GSTA5: variants seen among roughly 807,000 people sequenced by gnomAD.
GSTA5 encodes glutathione S-transferase A5.
GSTA5 carries 25 observed loss-of-function variants against 21.8 expected under a neutral mutation model. That is an observed-to-expected ratio of 1.14 (90% CI 0.83 to 1.60). The LOEUF is 1.60. Among genes scored for constraint, GSTA5 ranks in the 40% most tolerant of loss-of-function variants. GSTA5 has a pLI of 0.00. For synonymous variants in GSTA5, 102 were observed against 89.5 expected (o/e 1.14, Z -0.78); for missense variants, 330 against 259.2 (o/e 1.27, Z -1.88).
At chr6:52,843,208 A>G (rs547551562), upstream of GSTA5, among the ~76,000 whole-genome samples, 93 of 152,286 alleles carry the variant, frequency 6.1e-4, no homozygotes, top group South Asian at 1.2e-3. Flanking sequence ...GCCGCAGTAA[A>G]CATACATGTG....
chr6:52,838,131 A>G (rs1764318642), intron 1 of GSTA5, among the ~76,000 whole-genome samples: 1 of 152,240 alleles, frequency 6.6e-6, no homozygotes, highest in South Asian at 2.1e-4. Context: ...CACACTTGCA[A>G]CTATAATTTT....
At chr6:52,836,405 T>A in intron 2 of GSTA5, 37 bp from the exon 3 acceptor site, 1 of 1,600,384 alleles carries the variant, frequency 6.2e-7, no homozygotes, top group Non-Finnish European at 8.5e-7. Context: ...ATGAAGTGTC[T>A]ATGAAACCCA....
Position 52,833,922 on chromosome 6 carries a change from G to T in GSTA5, c.414+219C>A, listed in dbSNP as rs570203525. ...AACAGAGAATTTAATGTTGGGGTCT[G>T]TAAATTAAAATTTTACTGGAAAATC... On this transcript the variant is annotated intron_variant, in intron 4 of 5. Transcript: ENST00000370989. Among the ~76,000 whole-genome samples the T allele has an allele frequency of 3.9e-5, 6 of 152,324 alleles. No individual in the cohort carries two copies. In the South Asian group the frequency reaches 1.2e-3, roughly 32 times the overall value.
At chr6:52,839,082 G>A (rs1415051358) in intron 1 of GSTA5, among the ~76,000 whole-genome samples, 1 of 152,128 alleles carries the variant, frequency 6.6e-6, no homozygotes, top group South Asian at 2.1e-4. Context: ...GGGGGTGTGT[G>A]CCAGCAATTA....
chr6:52,833,138 G>A, intron 4 of GSTA5, 148 bp from the exon 5 acceptor site: 1 of 896,440 alleles, frequency 1.1e-6, no homozygotes, highest in Non-Finnish European at 1.8e-6. Flanking sequence ...CACATTATCT[G>A]AATGAATGAG....
At chr6:52,832,029 T>TGG in intron 5 of GSTA5, 59 bp from the exon 6 acceptor site, 1 of 1,566,322 alleles carries the variant, frequency 6.4e-7, no homozygotes, top group Non-Finnish European at 8.6e-7. Flanking sequence ...ATCATTAAGA[T>TGG]GACCCAGGGA....
chr6:52,837,982 T>C (rs1764316655), intron 1 of GSTA5, among the ~76,000 whole-genome samples: 1 of 152,230 alleles, frequency 6.6e-6, no homozygotes, highest in Non-Finnish European at 1.5e-5. Context: ...CAACCTTGTG[T>C]GTCCCCAGTG....
At chr6:52,832,112 C>G (rs1052179884) in intron 5 of GSTA5, 142 bp from the exon 6 acceptor site, 2 of 1,178,860 alleles carry the variant, frequency 1.7e-6, no homozygotes, top group African/African-American at 3.1e-5. Flanking sequence ...AAACAGACAC[C>G]CAGTGAGAAA....
intron 1 of GSTA5, among the ~76,000 whole-genome samples, chr6:52,838,767 T>C (rs1361475190): frequency 1.3e-5 from 2 of 152,256 alleles, no homozygotes; most frequent in Non-Finnish European, 2.9e-5. Context: ...ATCTTGACTC[T>C]GCCTCAAAAT....
rs377541026 is a variant in GSTA5 at position 52,839,867 on chromosome 6, C to T, written c.87+860G>A. Among the ~76,000 whole-genome samples the T allele has an allele frequency of 1.1e-4, 17 of 152,356 alleles. No individual in the cohort carries two copies. The South Asian group carries it at 2.5e-3, about 22-fold the overall frequency. On this transcript the variant is annotated intron_variant, in intron 1 of 5. Transcript: ENST00000370989. ...GAATGCTTGGGTGTTCTAGAAGCCT[C>T]CACGCCTCATTTTAACCACGTGTTT... is the stretch of plus-strand genomic sequence containing the variant.
intron 4 of GSTA5, among the ~76,000 whole-genome samples, chr6:52,833,839 A>G (rs540620087): frequency 6.6e-6 from 1 of 152,314 alleles, no homozygotes; most frequent in East Asian, 1.9e-4. Flanking sequence ...AGCAACCTCC[A>G]GTGTGATCCA....
At chr6:52,844,482 A>C (rs1581820238), upstream of GSTA5, among the ~76,000 whole-genome samples, 1 of 152,292 alleles carries the variant, frequency 6.6e-6, no homozygotes, top group East Asian at 1.9e-4. Context: ...TATTTACATC[A>C]ATTAAAAATG....
chr6:52,839,264 C>T (rs1764337945), intron 1 of GSTA5, among the ~76,000 whole-genome samples: 1 of 152,144 alleles, frequency 6.6e-6, no homozygotes, highest in Non-Finnish European at 1.5e-5. Context: ...GCCCTGCCCC[C>T]GCCTTCAGTC....
upstream of GSTA5, among the ~76,000 whole-genome samples, chr6:52,844,072 G>A (rs1456703122): frequency 2.0e-5 from 3 of 152,116 alleles, no homozygotes; most frequent in African/African-American, 7.2e-5. Context: ...TATCTAGGGA[G>A]TGTGTCTACC....
intron 1 of GSTA5, among the ~76,000 whole-genome samples, chr6:52,840,522 T>C (rs910329947): frequency 9.2e-5 from 14 of 152,244 alleles, no homozygotes; most frequent in African/African-American, 3.1e-4. Context: ...ATTAGTTTCT[T>C]AATTGTATTT....
chr6:52,836,823 T>C (rs1236922097), intron 2 of GSTA5, among the ~76,000 whole-genome samples: 1 of 152,230 alleles, frequency 6.6e-6, no homozygotes, highest in Non-Finnish European at 1.5e-5. Context: ...AAACAACATT[T>C]TTTAAAAGTT....
rs1317731028 is a variant in GSTA5 at position 52,832,768 on chromosome 6, G to T, written c.546+91C>A. Reference sequence around the variant, plus strand: ...GGGCACTGAAGGGCTGGAGAAGGGTGGGGTCAAAACATGGTCAGTCCCGGG... The same window carrying T: ...GGGCACTGAAGGGCTGGAGAAGGGTTGGGTCAAAACATGGTCAGTCCCGGG... On this transcript the variant is annotated intron_variant, in intron 5 of 5. Transcript: ENST00000370989. 8.8e-6 allele frequency: 14 copies of T among 1,582,772 alleles called. No individual in the cohort carries two copies. The East Asian group carries it at 3.2e-4, about 36-fold the overall frequency.
At chr6:52,844,818 T>C (rs922682207), upstream of GSTA5, among the ~76,000 whole-genome samples, 5 of 152,232 alleles carry the variant, frequency 3.3e-5, no homozygotes, top group African/African-American at 1.2e-4. Context: ...TGGGTGAGTC[T>C]CTGGACACAT....
chr6:52,843,083 A>G (rs902130838), upstream of GSTA5, among the ~76,000 whole-genome samples: 3 of 152,104 alleles, frequency 2.0e-5, no homozygotes, highest in Non-Finnish European at 4.4e-5. Flanking sequence ...ACATGAACTC[A>G]TCCTTTTTTA....
Sources: gnomAD v4.1 joint callset for allele counts (sites outside exome capture counted in the v4.1 genomes callset) on GRCh38, gnomAD v4.1.1 for gene constraint, MANE v1.5 for transcripts, NCBI Gene and HGNC (gene_info 2026-07-23, HGNC 2026-07-21) for gene names.